COX5A: variants seen among roughly 807,000 people sequenced by gnomAD.
The protein encoded by COX5A is cytochrome c oxidase subunit 5A.
A neutral mutation model predicts 16.1 loss-of-function variants in COX5A; 6 were observed. The observed-to-expected ratio is 0.37, with a 90% CI of 0.20 to 0.73. The LOEUF (loss-of-function observed/expected upper bound fraction) is 0.73. Ranked by LOEUF, COX5A falls within the 30% of genes least tolerant of loss-of-function variation. COX5A has a pLI of 0.50. For synonymous variants in COX5A, 73 were observed against 73.8 expected (o/e 0.99, Z 0.06); for missense variants, 159 against 194.9 (o/e 0.82, Z 1.10).
At chr15:74,933,108 C>A (rs1170879720) in intron 1 of COX5A, among the ~76,000 whole-genome samples, 2 of 151,416 alleles carry the variant, frequency 1.3e-5, no homozygotes, top group Non-Finnish European at 2.9e-5. Context: ...GACTAATATT[C>A]AAATTTAATA....
chr15:74,930,673 A>G (rs1360565065), intron 1 of COX5A, among the ~76,000 whole-genome samples: 2 of 148,730 alleles, frequency 1.3e-5, no homozygotes, highest in Non-Finnish European at 3.0e-5. Flanking sequence ...CAGCCCTGGC[A>G]CCATTCAAGT....
At chr15:74,927,666 C>T (rs1030311486) in intron 2 of COX5A, among the ~76,000 whole-genome samples, 1 of 151,828 alleles carries the variant, frequency 6.6e-6, no homozygotes, top group African/African-American at 2.4e-5. Context: ...CAGCTACTCT[C>T]GAGGCTGAGG....
chr15:74,924,514 C>G (rs548248384), intron 3 of COX5A, among the ~76,000 whole-genome samples: 2 of 142,280 alleles, frequency 1.4e-5, no homozygotes, highest in African/African-American at 5.1e-5. Flanking sequence ...GAGCGAGACT[C>G]TGTCTCAAAA....
intron 2 of COX5A, among the ~76,000 whole-genome samples, chr15:74,928,304 C>T (rs1449802899): frequency 6.6e-6 from 1 of 152,084 alleles, no homozygotes; most frequent in Non-Finnish European, 1.5e-5. Context: ...GATACTTATT[C>T]ATGGCAAAAC....
chr15:74,931,139 T>C (rs1049704972), intron 1 of COX5A, among the ~76,000 whole-genome samples: 21 of 151,572 alleles, frequency 1.4e-4, no homozygotes, highest in African/African-American at 4.6e-4. Context: ...TCCCAAAATA[T>C]TCTGATAAAT....
intron 4 of COX5A, among the ~76,000 whole-genome samples, chr15:74,923,427 C>CGAAAGAAAGAAAAGAAG (rs1297723695): frequency 6.6e-6 from 1 of 150,942 alleles, no homozygotes; most frequent in African/African-American, 2.4e-5. Flanking sequence ...AAAAAAAAGA[C>CGAAAGAAAGAAAAGAAG]GAAAGAAAGA....
intron 3 of COX5A, among the ~76,000 whole-genome samples, chr15:74,926,508 A>G (rs1358415180): frequency 6.6e-6 from 1 of 151,866 alleles, no homozygotes; most frequent in African/African-American, 2.4e-5. Context: ...AGAAAAAAAA[A>G]AAAGAGAGAA....
intron 1 of COX5A, among the ~76,000 whole-genome samples, chr15:74,929,676 A>G (rs2065358125): frequency 6.6e-6 from 1 of 152,230 alleles, no homozygotes; most frequent in Non-Finnish European, 1.5e-5. Flanking sequence ...AGGCAGGAAG[A>G]TTACCCGAGC....
intron 1 of COX5A, among the ~76,000 whole-genome samples, chr15:74,935,211 C>G (rs2065383675): frequency 6.6e-6 from 1 of 152,038 alleles, no homozygotes; most frequent in African/African-American, 2.4e-5. Flanking sequence ...GGAAGGATGG[C>G]TTGAGCCCAG....
chr15:74,930,450 C>CA (rs1207695622), intron 1 of COX5A, among the ~76,000 whole-genome samples: 14 of 107,174 alleles, frequency 1.3e-4, no homozygotes, highest in African/African-American at 4.2e-4. Context: ...ACAACAACAA[C>CA]AAAAAAAACC....
rs945927961 is a variant in COX5A, at chr15:74,920,081, T to A, written c.*371A>T. ...AGGGTGTCAACAAGAAAATTCTATA[T>A]AAATGACTTCTAGCCTTCAGCTAAT... On this transcript the variant is annotated 3_prime_UTR_variant, in exon 5 of 5. Transcript: ENST00000322347. 1 of 391,386 alleles carries A rather than the reference T, an allele frequency of 2.6e-6. No homozygotes were observed. Among genetic ancestry groups the A allele is most frequent in the Non-Finnish European group, 4.5e-6 (1 of 222,818 alleles). 24.2% of individuals were successfully genotyped at this position (391,386 alleles called of 1,614,324 possible).
chr15:74,932,148 G>GT (rs1267604399), intron 1 of COX5A, among the ~76,000 whole-genome samples: 3 of 152,158 alleles, frequency 2.0e-5, no homozygotes, highest in Non-Finnish European at 4.4e-5. Flanking sequence ...CTATGCACTG[G>GT]TAAGTATTAA....
chr15:74,930,814 G>A (rs1347707242), intron 1 of COX5A, among the ~76,000 whole-genome samples: 4 of 148,704 alleles, frequency 2.7e-5, no homozygotes, highest in East Asian at 2.0e-4. Context: ...TCAGGATATC[G>A]AAACCATCCT....
chr15:74,931,620 C>T (rs1003818962), intron 1 of COX5A, among the ~76,000 whole-genome samples: 2 of 147,548 alleles, frequency 1.4e-5, no homozygotes, highest in African/African-American at 2.5e-5. Flanking sequence ...GTGGAACAAT[C>T]TCAGCTCACT....
chr15:74,935,612 T>A (rs56124926), intron 1 of COX5A, among the ~76,000 whole-genome samples: 39,384 of 144,854 alleles, frequency 0.27, 5,592 homozygotes, highest in Middle Eastern at 0.4. Flanking sequence ...AAAAAAAAAA[T>A]AAATAAATAA....
chr15:74,925,678 G>A (rs1335476465), intron 3 of COX5A, among the ~76,000 whole-genome samples: 4 of 151,538 alleles, frequency 2.6e-5, no homozygotes, highest in African/African-American at 7.3e-5. Flanking sequence ...GTGAGCCACC[G>A]TGCCCAGCCG....
chr15:74,920,615 TTTG>T (rs1055253327), intron 4 of COX5A, among the ~76,000 whole-genome samples, 173 bp from the exon 5 acceptor site: 3 of 152,350 alleles, frequency 2.0e-5, no homozygotes, highest in Non-Finnish European at 4.4e-5. Context: ...TTGTGGCTTT[TTTG>T]TTGTTTATAC....
In COX5A at chr15:74,923,714, T is replaced by TA; in HGVS notation, c.395_396insT (p.Thr133AsnfsTer4). 1 of 1,611,968 alleles carries TA rather than the reference T, an allele frequency of 6.2e-7. No homozygotes were observed. The highest frequency in any genetic ancestry group is 2.2e-5 in the East Asian group (1 of 44,884). On this transcript the variant is annotated frameshift_variant, in exon 4 of 5. Coordinates refer to ENST00000322347, the MANE Select transcript of COX5A (RefSeq NM_004255.4). LOFTEE classifies it high-confidence loss of function. ...TGGAGATTCCCAGTTCATTTAAAGT[T>TA]GGTCTAAGTTCCTGGATGACATAGG... is the stretch of plus-strand genomic sequence containing the variant.
At chr15:74,928,423 T>C (rs1038068231) in intron 2 of COX5A, among the ~76,000 whole-genome samples, 3 of 152,054 alleles carry the variant, frequency 2.0e-5, no homozygotes, top group Admixed American at 2.0e-4. Flanking sequence ...CTCACTCTGT[T>C]GCCCAGGCTG....
Sources: allele counts gnomAD v4.1 joint callset (sites outside exome capture counted in the v4.1 genomes callset), GRCh38; gene constraint gnomAD v4.1.1; transcripts MANE v1.5; gene names NCBI Gene and HGNC (gene_info 2026-07-23, HGNC 2026-07-21).